The following ACSL4 variants were observed in gnomAD, a reference collection of about 807,000 sequenced individuals.
ACSL4 encodes the protein long-chain-fatty-acid--CoA ligase 4.
In ACSL4, 9 loss-of-function variants were observed where a neutral mutation model predicts 49.1. The ratio of observed to expected loss-of-function variants is 0.18; its 90% confidence interval spans 0.11 to 0.32. ACSL4 has a LOEUF of 0.32. Among genes scored for constraint, ACSL4 ranks in the 10% least tolerant of loss-of-function variants. The probability of loss-of-function intolerance (pLI) is 1.00; values close to 1 mark genes in which losing one functional copy is unlikely to be tolerated. For missense variants in ACSL4, 333 were observed against 493.7 expected (o/e 0.67, Z 3.08); for synonymous variants, 191 against 170.3 (o/e 1.12, Z -0.95).
At position 109,649,772 on chromosome X, in the gene ACSL4, G is replaced by A. The variant is rs868757433; in HGVS notation, c.1856-5586C>T. 3.5e-3 allele frequency among the ~76,000 whole-genome samples: 380 copies of A among 107,480 alleles called. 1 individual carries two copies. Among genetic ancestry groups the A allele is most frequent in the African/African-American group, 0.011 (333 of 29,241 alleles). The allele number at this position is 107,480 out of a possible 115,157, so 93.3% of individuals were successfully genotyped here. A position where few individuals can be genotyped will look rare whatever the true frequency, so the allele number is the denominator to read the frequency against. On this transcript the variant is annotated intron_variant, in intron 15 of 15. Coordinates refer to ENST00000672401, the MANE Select transcript of ACSL4 (RefSeq NM_001318510.2). ...AAATGGGAGAAAATTTTCGCAACCT[G>A]CTCATCTGACAAAGGGCTAATATCC... is the stretch of plus-strand genomic sequence containing the variant.
intron 1 of ACSL4, among the ~76,000 whole-genome samples, chrX:109,709,515 T>C (rs750006687): frequency 8.9e-6 from 1 of 112,640 alleles, no homozygotes; most frequent in East Asian, 2.8e-4. Context: ...TTTCGAGCAG[T>C]GGTAAAATAT....
intron 15 of ACSL4, among the ~76,000 whole-genome samples, chrX:109,648,826 G>A (rs1934868223): frequency 1.0e-5 from 1 of 99,381 alleles, no homozygotes; most frequent in African/African-American, 3.7e-5. Context: ...CTTCAGCAAA[G>A]TCTCAGGATA....
In ACSL4 at chrX:109,665,501, G is replaced by A; in HGVS notation, c.1316-7C>T. 8.4e-7 allele frequency: 1 copy of A among 1,188,912 alleles called. No individual in the cohort carries two copies. Among genetic ancestry groups the A allele is most frequent in the South Asian group, 1.8e-5 (1 of 56,450 alleles). On this transcript the variant is annotated splice_polypyrimidine_tract_variant and splice_region_variant and intron_variant, in intron 11 of 15. Coordinates refer to ENST00000672401, the MANE Select transcript of ACSL4 (RefSeq NM_001318510.2). ...CCAGTAGTATAGTCAGTTACTGTGA[G>A]GGAAAAAGTAACAGAGATATTAGCA...
chrX:109,703,530 T>C (rs1157989369), intron 1 of ACSL4, among the ~76,000 whole-genome samples: 1 of 112,059 alleles, frequency 8.9e-6, no homozygotes, highest in African/African-American at 3.2e-5. Context: ...AGTATATTAA[T>C]ATGCCCATTT....
chrX:109,700,631 A>G lies in ACSL4; in HGVS notation c.-65-4435T>C, dbSNP rs763999650. Among the ~76,000 whole-genome samples the G allele has an allele frequency of 8.1e-5, 9 of 111,782 alleles. No individual in the cohort carries two copies. The South Asian group carries it at 3.3e-3, about 41-fold the overall frequency. ...TCACTTGATTCGTAAATATTAAAAC[A>G]TATTAAATAAATGTTATAACATAAG... is the stretch of plus-strand genomic sequence containing the variant. On this transcript the variant is annotated intron_variant, in intron 1 of 15. Coordinates refer to ENST00000672401, the MANE Select transcript of ACSL4 (RefSeq NM_001318510.2).
intron 1 of ACSL4, among the ~76,000 whole-genome samples, chrX:109,730,306 A>G: frequency 8.9e-6 from 1 of 112,466 alleles, no homozygotes; most frequent in Non-Finnish European, 1.9e-5. Flanking sequence ...AGACCAGCCA[A>G]TGGTAGAAGT....
intron 1 of ACSL4, among the ~76,000 whole-genome samples, chrX:109,719,696 C>T (rs761614800): frequency 8.9e-6 from 1 of 112,278 alleles, no homozygotes; most frequent in African/African-American, 3.2e-5. Context: ...CTTTAAAAAG[C>T]TACTTTCCGC....
intron 1 of ACSL4, among the ~76,000 whole-genome samples, chrX:109,725,741 AAAAAT>A (rs774145372): frequency 2.4e-4 from 27 of 111,464 alleles, no homozygotes; most frequent in Admixed American, 2.2e-3. Flanking sequence ...CTCCATCTCA[AAAAAT>A]AAAATAAAAT....
chrX:109,654,085 G>A lies in ACSL4; in HGVS notation c.1855+5269C>T, dbSNP rs749052812. On this transcript the variant is annotated intron_variant, in intron 15 of 15. Transcript: ENST00000672401. The stretch of plus-strand genomic sequence containing the variant: ...GAAAATAATGGAGTATACAAGATTC[G>A]TGTTATATTTGTTTACAGTGATGGG... Among the ~76,000 whole-genome samples, 560 of 109,696 alleles carry A rather than the reference G, an allele frequency of 5.1e-3. 2 individuals are homozygous for A. Among genetic ancestry groups the A allele is most frequent in the Non-Finnish European group, 8.7e-3 (457 of 52,642 alleles).
intron 14 of ACSL4, among the ~76,000 whole-genome samples, chrX:109,661,199 T>C: frequency 8.9e-6 from 1 of 112,170 alleles, no homozygotes; most frequent in African/African-American, 3.2e-5. Flanking sequence ...AAACTTGGGT[T>C]CAAAATTCAT....
Position 109,665,436 on chromosome X carries a change from T to C in ACSL4, c.1374A>G (p.Leu458=), listed in dbSNP as rs1360780704. The C allele has an allele frequency of 8.3e-7, 1 of 1,210,183 alleles. No homozygotes were observed. The highest frequency in any genetic ancestry group is 2.2e-5 in the Admixed American group (1 of 46,028). The change falls in exon 12 of 16, where the codon CTA becomes CTG. Residue 458 remains leucine, a synonymous_variant. Transcript: ENST00000672401. ...AATTCTTACCTTCTTGCCAGTCTTTTAGCTTAATTTCACAGCAAATAAGAG... is the reference window on the plus strand; with the variant it reads ...AATTCTTACCTTCTTGCCAGTCTTTCAGCTTAATTTCACAGCAAATAAGAG... ...GAPLICCEIK[L]KDWQEGGYTI...
intron 6 of ACSL4, 132 bp from the exon 7 acceptor site, chrX:109,678,547 G>C (rs1316869659): frequency 1.2e-6 from 1 of 801,438 alleles, no homozygotes; most frequent in Non-Finnish European, 1.8e-6. Flanking sequence ...TCATCAAAAC[G>C]AGCTGGGTGA....
chrX:109,676,547 T>G (rs1923706496), intron 8 of ACSL4, among the ~76,000 whole-genome samples: 1 of 111,099 alleles, frequency 9.0e-6, no homozygotes, highest in Non-Finnish European at 1.9e-5. Flanking sequence ...TTCCTACCTA[T>G]ACTTGCTTTG....
At chrX:109,719,459 G>A (rs1211492031) in intron 1 of ACSL4, among the ~76,000 whole-genome samples, 1 of 111,804 alleles carries the variant, frequency 8.9e-6, no homozygotes. Flanking sequence ...TGTACTCCTC[G>A]CGCTGAAAAT....
rs1227736514 is a variant in ACSL4, at chrX:109,642,920, C to T, written c.*1109G>A. The T allele has an allele frequency of 4.5e-5, 5 of 111,455 alleles. No individual in the cohort carries two copies. The highest frequency in any genetic ancestry group is 9.4e-5 in the Non-Finnish European group (5 of 52,930). The allele number at this position is 111,455 out of a possible 1,213,427, so 9.2% of individuals were successfully genotyped here. On this transcript the variant is annotated 3_prime_UTR_variant, in exon 16 of 16. Coordinates refer to ENST00000672401, the MANE Select transcript of ACSL4 (RefSeq NM_001318510.2). Reference sequence around the variant, plus strand: ...CAAGTTAATCACCTGTAAGTTCAAGCAAGATATTGGGGAAGTCATTCATTA... The same window carrying T: ...CAAGTTAATCACCTGTAAGTTCAAGTAAGATATTGGGGAAGTCATTCATTA...
At chrX:109,686,859 A>G (rs1326949125) in intron 2 of ACSL4, among the ~76,000 whole-genome samples, 1 of 110,873 alleles carries the variant, frequency 9.0e-6, no homozygotes, top group Non-Finnish European at 1.9e-5. Flanking sequence ...GAGATCATTT[A>G]GTCTAGAGGT....
intron 15 of ACSL4, among the ~76,000 whole-genome samples, chrX:109,655,899 C>A (rs1472068060): frequency 9.0e-6 from 1 of 111,339 alleles, no homozygotes; most frequent in Non-Finnish European, 1.9e-5. Context: ...CTAAAATATG[C>A]CAAGACACAT....
chrX:109,692,374 T>G (rs934834537), intron 2 of ACSL4, among the ~76,000 whole-genome samples: 1 of 112,270 alleles, frequency 8.9e-6, no homozygotes, highest in East Asian at 2.8e-4. Flanking sequence ...TGTAGCTTTC[T>G]AAAGCTGGGA....
chrX:109,688,104 A>C (rs1924754707), intron 2 of ACSL4, among the ~76,000 whole-genome samples: 1 of 111,405 alleles, frequency 9.0e-6, no homozygotes, highest in Non-Finnish European at 1.9e-5. Context: ...TTCATACTTT[A>C]CTCTCTTCAG....
Sources: gnomAD v4.1 joint callset for allele counts (sites outside exome capture counted in the v4.1 genomes callset) on GRCh38, gnomAD v4.1.1 for gene constraint, MANE v1.5 for transcripts, NCBI Gene and HGNC (gene_info 2026-07-23, HGNC 2026-07-21) for gene names.